The following ZNF722 variants were observed in gnomAD, a reference collection of about 807,000 sequenced individuals.
ZNF722 encodes zinc finger protein 479 pseudogene.
chr7:64,004,425 A>AAAAAAAAAAAAAAATATATAT, the ZNF722 span, among the ~76,000 whole-genome samples: 1 of 61,108 alleles, frequency 1.6e-5, no homozygotes, highest in African/African-American at 8.0e-5. Flanking sequence ...AAAAAAAAAA[A>AAAAAAAAAAAAAAATATATAT]ATATATATAT....
chr7:64,015,092 A>G, the ZNF722 span: 6 of 1,412,754 alleles, frequency 4.2e-6, no homozygotes, highest in Non-Finnish European at 6.0e-6. Flanking sequence ...CACTCCAAAA[A>G]GTAATACCAA....
At chr7:64,015,886 T>G in the ZNF722 span, 3 of 1,562,394 alleles carry the variant, frequency 1.9e-6, no homozygotes, top group Non-Finnish European at 2.6e-6. Context: ...CATAAGATAA[T>G]TCATACTGGA....
chr7:64,000,477 G>T, the ZNF722 span, among the ~76,000 whole-genome samples: 26 of 66,700 alleles, frequency 3.9e-4, no homozygotes, highest in South Asian at 4.6e-3. Context: ...TTGAGAGGGA[G>T]TCTCGCTCTG....
At chr7:64,016,300 G>A in the ZNF722 span, among the ~76,000 whole-genome samples, 1 of 152,090 alleles carries the variant, frequency 6.6e-6, no homozygotes, top group South Asian at 2.1e-4. Context: ...CACCACACTG[G>A]CTGATTTTTG....
At chr7:64,014,441 T>G in the ZNF722 span, among the ~76,000 whole-genome samples, 1 of 152,152 alleles carries the variant, frequency 6.6e-6, no homozygotes, top group Non-Finnish European at 1.5e-5. Flanking sequence ...GACATTAACA[T>G]AAAACTACCT....
At chr7:64,012,069 C>T in the ZNF722 span, among the ~76,000 whole-genome samples, 1 of 152,146 alleles carries the variant, frequency 6.6e-6, no homozygotes, top group Non-Finnish European at 1.5e-5. Context: ...GAATCGGCTA[C>T]TGAAGCTTGT....
At chr7:64,015,324 T>G in the ZNF722 span, 2 of 1,344,374 alleles carry the variant, frequency 1.5e-6, no homozygotes, top group Non-Finnish European at 2.1e-6. Context: ...ACATTTCAAA[T>G]GTAAAAAATA....
chr7:64,016,056 G>T, the ZNF722 span: 2 of 641,376 alleles, frequency 3.1e-6, no homozygotes. Flanking sequence ...AATCCATATT[G>T]GACAAAAATT....
the ZNF722 span, chr7:64,016,147 AT>A: frequency 9.6e-6 from 4 of 417,602 alleles, no homozygotes; most frequent in South Asian, 3.8e-5. Flanking sequence ...TTTAAAAAAA[AT>A]ATTTTTTTGA....
the ZNF722 span, among the ~76,000 whole-genome samples, chr7:64,009,219 A>G: frequency 2.0e-5 from 3 of 152,256 alleles, no homozygotes; most frequent in African/African-American, 7.2e-5. Flanking sequence ...TTCTTTTCCT[A>G]ATTGAATACC....
the ZNF722 span, among the ~76,000 whole-genome samples, chr7:64,014,790 A>C: frequency 6.6e-6 from 1 of 152,108 alleles, no homozygotes; most frequent in African/African-American, 2.4e-5. Context: ...TTTTCTTTCT[A>C]TATGGCTTTT....
chr7:64,016,726 C>A, the ZNF722 span, among the ~76,000 whole-genome samples: 1 of 152,024 alleles, frequency 6.6e-6, no homozygotes, highest in Non-Finnish European at 1.5e-5. Context: ...TAACTGGTTT[C>A]CATCCTTATT....
chr7:64,003,845 T>G, the ZNF722 span, among the ~76,000 whole-genome samples: 73 of 152,248 alleles, frequency 4.8e-4, no homozygotes, highest in East Asian at 7.7e-4. Context: ...GAAACACAGT[T>G]GTCTTTGGAT....
At chr7:64,000,902 A>G in the ZNF722 span, among the ~76,000 whole-genome samples, 2 of 151,924 alleles carry the variant, frequency 1.3e-5, no homozygotes, top group East Asian at 3.9e-4. Flanking sequence ...TTCAGTCTCC[A>G]GAGTAGCTGG....
At chr7:64,007,132 ATTTTG>A in the ZNF722 span, among the ~76,000 whole-genome samples, 2 of 150,224 alleles carry the variant, frequency 1.3e-5, no homozygotes, top group African/African-American at 4.9e-5. Context: ...ATGTAAGGTA[ATTTTG>A]TTTTGTATTG....
chr7:64,004,425 A>AAAATATATATATATATATATAT, the ZNF722 span, among the ~76,000 whole-genome samples: 1 of 61,120 alleles, frequency 1.6e-5, no homozygotes, highest in African/African-American at 8.0e-5. Flanking sequence ...AAAAAAAAAA[A>AAAATATATATATATATATATAT]ATATATATAT....
chr7:64,005,690 T>C, the ZNF722 span: 1 of 1,560,552 alleles, frequency 6.4e-7, no homozygotes, highest in Non-Finnish European at 8.8e-7. Flanking sequence ...TCAGCAGAAT[T>C]TATATAGAGA....
the ZNF722 span, among the ~76,000 whole-genome samples, chr7:64,012,895 A>AT: frequency 2.1e-4 from 32 of 152,276 alleles, 1 homozygote; most frequent in Middle Eastern, 6.8e-3. Context: ...CACTCTCTTA[A>AT]TTCACATGAG....
At chr7:64,017,877 T>A in the ZNF722 span, among the ~76,000 whole-genome samples, 9 of 152,134 alleles carry the variant, frequency 5.9e-5, no homozygotes, top group African/African-American at 1.7e-4. Context: ...GTAAAAAAAA[T>A]TTAGATTTTC....
Sources: gnomAD v4.1 joint callset for allele counts (sites outside exome capture counted in the v4.1 genomes callset) on GRCh38, gnomAD v4.1.1 for gene constraint, MANE v1.5 for transcripts, NCBI Gene and HGNC (gene_info 2026-07-23, HGNC 2026-07-21) for gene names.